Variants in CSNK2A2IP observed in about 807,000 individuals in gnomAD.
The protein encoded by CSNK2A2IP is casein kinase 2 subunit alpha' interacting protein.
the CSNK2A2IP span, among the ~76,000 whole-genome samples, chr3:88,411,074 A>C: frequency 1.3e-5 from 2 of 152,076 alleles, no homozygotes; most frequent in East Asian, 3.9e-4. Context: ...AATACAGTTG[A>C]ATTTTATATT....
chr3:88,442,821 T>C, the CSNK2A2IP span, among the ~76,000 whole-genome samples: 2 of 151,992 alleles, frequency 1.3e-5, no homozygotes, highest in Non-Finnish European at 2.9e-5. Flanking sequence ...CCTTTCCTGA[T>C]CATAATGAGT....
chr3:88,371,333 C>G, the CSNK2A2IP span, among the ~76,000 whole-genome samples: 1 of 151,576 alleles, frequency 6.6e-6, no homozygotes, highest in Non-Finnish European at 1.5e-5. Flanking sequence ...GCAGAGTAAA[C>G]AGGGAATTTA....
At chr3:88,421,898 C>CAGA in the CSNK2A2IP span, among the ~76,000 whole-genome samples, 1 of 152,000 alleles carries the variant, frequency 6.6e-6, no homozygotes, top group African/African-American at 2.4e-5. Context: ...CAATTTTCTT[C>CAGA]AAAGGGTCTA....
the CSNK2A2IP span, among the ~76,000 whole-genome samples, chr3:88,423,286 T>C: frequency 6.6e-6 from 1 of 152,196 alleles, no homozygotes; most frequent in Non-Finnish European, 1.5e-5. Context: ...AAAAACATAA[T>C]TGATGTTTGT....
chr3:88,418,359 C>A, the CSNK2A2IP span, among the ~76,000 whole-genome samples: 6 of 152,088 alleles, frequency 3.9e-5, no homozygotes, highest in East Asian at 1.2e-3. Context: ...ACTCTCCACA[C>A]AAGAGTAATT....
chr3:88,393,590 A>C, the CSNK2A2IP span, among the ~76,000 whole-genome samples: 1 of 152,228 alleles, frequency 6.6e-6, no homozygotes, highest in Non-Finnish European at 1.5e-5. Flanking sequence ...TTTTAAAGAC[A>C]AAGTGTAAGT....
At chr3:88,364,421 C>T in the CSNK2A2IP span, among the ~76,000 whole-genome samples, 73 of 151,368 alleles carry the variant, frequency 4.8e-4, no homozygotes, top group Admixed American at 2.2e-3. Flanking sequence ...GTACTATTGC[C>T]GTGGATTCAA....
At chr3:88,402,796 AG>A in the CSNK2A2IP span, among the ~76,000 whole-genome samples, 2 of 152,060 alleles carry the variant, frequency 1.3e-5, no homozygotes, top group Non-Finnish European at 2.9e-5. Flanking sequence ...CCAGAATGTA[AG>A]GGGGATGATT....
chr3:88,400,356 G>A, the CSNK2A2IP span, among the ~76,000 whole-genome samples: 1 of 152,078 alleles, frequency 6.6e-6, no homozygotes, highest in Non-Finnish European at 1.5e-5. Context: ...AATGCTGCGG[G>A]AAATTTTGGT....
the CSNK2A2IP span, among the ~76,000 whole-genome samples, chr3:88,442,144 A>T: frequency 3.3e-5 from 5 of 152,160 alleles, no homozygotes; most frequent in African/African-American, 7.2e-5. Flanking sequence ...AATATATAAG[A>T]CACACATGCA....
chr3:88,403,181 C>G, the CSNK2A2IP span, among the ~76,000 whole-genome samples: 1 of 151,988 alleles, frequency 6.6e-6, no homozygotes, highest in South Asian at 2.1e-4. Flanking sequence ...CTTTCCAAGG[C>G]CATCATTTTG....
the CSNK2A2IP span, among the ~76,000 whole-genome samples, chr3:88,364,759 C>T: frequency 2.0e-5 from 3 of 152,072 alleles, no homozygotes; most frequent in East Asian, 5.8e-4. Flanking sequence ...TGTTGTGGAG[C>T]AGAGAAGTTA....
the CSNK2A2IP span, among the ~76,000 whole-genome samples, chr3:88,359,925 T>G: frequency 2.6e-5 from 4 of 152,178 alleles, no homozygotes; most frequent in African/African-American, 4.8e-5. Flanking sequence ...GTTGATTTTC[T>G]GTCTAGATGA....
the CSNK2A2IP span, among the ~76,000 whole-genome samples, chr3:88,395,133 A>G: frequency 7.2e-5 from 11 of 152,360 alleles, no homozygotes; most frequent in East Asian, 5.8e-4. Context: ...ACGTATATAC[A>G]CATACATGTA....
chr3:88,358,207 A>G, the CSNK2A2IP span, among the ~76,000 whole-genome samples: 1 of 152,150 alleles, frequency 6.6e-6, no homozygotes, highest in Non-Finnish European at 1.5e-5. Context: ...ACTTTACTGA[A>G]TTCATTTAAA....
the CSNK2A2IP span, among the ~76,000 whole-genome samples, chr3:88,408,857 C>T: frequency 6.6e-6 from 1 of 151,382 alleles, no homozygotes; most frequent in Non-Finnish European, 1.5e-5. Flanking sequence ...TTGGTGATTT[C>T]ATGATCCAAA....
At chr3:88,414,474 G>A in the CSNK2A2IP span, among the ~76,000 whole-genome samples, 1 of 150,952 alleles carries the variant, frequency 6.6e-6, no homozygotes, top group East Asian at 1.9e-4. Flanking sequence ...GTAGAGACAG[G>A]GTTTCACCAT....
At chr3:88,378,930 A>G in the CSNK2A2IP span, among the ~76,000 whole-genome samples, 1 of 152,074 alleles carries the variant, frequency 6.6e-6, no homozygotes, top group South Asian at 2.1e-4. Context: ...AATTTTTTTC[A>G]AGATAATAAC....
At chr3:88,451,287 T>C in the CSNK2A2IP span, among the ~76,000 whole-genome samples, 3 of 152,106 alleles carry the variant, frequency 2.0e-5, no homozygotes, top group African/African-American at 7.2e-5. Flanking sequence ...ATCTCAGTTA[T>C]ATGTGAAATT....
Sources: gnomAD v4.1 joint callset for allele counts (sites outside exome capture counted in the v4.1 genomes callset) on GRCh38, gnomAD v4.1.1 for gene constraint, MANE v1.5 for transcripts, NCBI Gene and HGNC (gene_info 2026-07-23, HGNC 2026-07-21) for gene names.